The following LAMB4 variants were observed in gnomAD, a reference collection of about 807,000 sequenced individuals.
LAMB4 encodes the protein laminin subunit beta-4.
In LAMB4, 196 loss-of-function variants were observed where a neutral mutation model predicts 199.2. That is an observed-to-expected ratio of 0.98 (90% CI 0.88 to 1.11). The LOEUF (loss-of-function observed/expected upper bound fraction) is 1.11, where lower values mean the gene tolerates loss of function less well. Ranked by LOEUF, LAMB4 falls within the 50% of genes least tolerant of loss-of-function variation. The pLI is 0.00. For missense variants in LAMB4, 2,080 were observed against 2,171.2 expected, an observed-to-expected ratio of 0.96 and a Z score of 0.83; for synonymous variants, 744 against 770.6, an observed-to-expected ratio of 0.97 and a Z score of 0.57.
At chr7:108,059,701 C>T (rs2036099013) in intron 23 of LAMB4, among the ~76,000 whole-genome samples, 1 of 151,332 alleles carries the variant, frequency 6.6e-6, no homozygotes, top group South Asian at 2.1e-4. Flanking sequence ...AGCCCTGCCA[C>T]ACTGCTGGCT....
At chr7:108,116,940 G>A (rs1391781769) in intron 2 of LAMB4, among the ~76,000 whole-genome samples, 1 of 152,224 alleles carries the variant, frequency 6.6e-6, no homozygotes, top group Non-Finnish European at 1.5e-5. Context: ...AGGAAGCTGA[G>A]GCGGGAGGAT....
intron 23 of LAMB4, among the ~76,000 whole-genome samples, chr7:108,059,769 G>T (rs566481417): frequency 6.6e-6 from 1 of 152,252 alleles, no homozygotes; most frequent in Admixed American, 6.5e-5. Flanking sequence ...GCTGTGCCAA[G>T]TTATTACTCC....
At chr7:108,080,182 A>G (rs1166598765) in intron 14 of LAMB4, among the ~76,000 whole-genome samples, 2 of 152,236 alleles carry the variant, frequency 1.3e-5, no homozygotes, top group Admixed American at 6.5e-5. Context: ...CTAATTGGGC[A>G]TGACAATGAG....
At chr7:108,055,187 GTTTT>G (rs371917253) in intron 25 of LAMB4, among the ~76,000 whole-genome samples, 25 of 138,544 alleles carry the variant, frequency 1.8e-4, no homozygotes, top group African/African-American at 4.3e-4. Flanking sequence ...ATTTCCAGCT[GTTTT>G]TTTTTTTTTT....
intron 14 of LAMB4, among the ~76,000 whole-genome samples, chr7:108,081,491 A>G (rs531789463): frequency 1.3e-5 from 2 of 152,290 alleles, no homozygotes; most frequent in South Asian, 4.1e-4. Flanking sequence ...CACTCTCTTA[A>G]GAGTATTCCT....
rs185544330 is a variant in LAMB4 at position 108,025,263 on chromosome 7, C to T, written c.5147-1085G>A. Among the ~76,000 whole-genome samples the T allele has an allele frequency of 3.9e-5, 6 of 152,034 alleles. No homozygotes were observed. In the East Asian group the frequency reaches 7.7e-4, roughly 19 times the overall value. ...ATGGAAACTAGCAGGTGAAGCTCCA[C>T]GAAGGAAGATTTTGTCTAAATATAA... On this transcript the variant is annotated intron_variant, in intron 33 of 33. Coordinates refer to ENST00000388781, the MANE Select transcript of LAMB4 (RefSeq NM_007356.3).
At position 108,062,790 on chromosome 7, in the gene LAMB4, C is replaced by T; in HGVS notation, c.3266G>A (p.Ser1089Asn). Residue 1089 changes from serine (S) to asparagine (N), a missense_variant, in exon 23 of 34, where the codon AGT becomes AAT. Transcript: ENST00000388781. ...SCDCDPRTSQ[S>N]SHCDQLTGQC... Reference sequence around the variant, plus strand: ...GTATCTTGCCTGGTCACAGTGGCTACTTTGAGAGGTCCTAGGGTCACAGTC... The same window carrying T: ...GTATCTTGCCTGGTCACAGTGGCTATTTTGAGAGGTCCTAGGGTCACAGTC... 1 of 1,437,916 alleles carries T rather than the reference C, an allele frequency of 7.0e-7. No individual in the cohort carries two copies. The highest frequency in any genetic ancestry group is 9.2e-7 in the Non-Finnish European group (1 of 1,090,090). The allele number at this position is 1,437,916 out of a possible 1,614,324, so 89.1% of individuals were successfully genotyped here. A position where few individuals can be genotyped will look rare whatever the true frequency, so the allele number is the denominator to read the frequency against.
chr7:108,019,790 T>C (rs980007455), downstream of LAMB4, among the ~76,000 whole-genome samples: 11 of 152,102 alleles, frequency 7.2e-5, no homozygotes, highest in African/African-American at 2.7e-4. Context: ...ATGAGGCTCA[T>C]GTGTTCTTGC....
chr7:108,092,648 G>A (rs1348010342), intron 12 of LAMB4, among the ~76,000 whole-genome samples: 1 of 152,186 alleles, frequency 6.6e-6, no homozygotes, highest in African/African-American at 2.4e-5. Context: ...GCTCCTGCCT[G>A]TAATCCCAGC....
At chr7:108,019,925 C>A (rs1448632497), downstream of LAMB4, among the ~76,000 whole-genome samples, 1 of 152,136 alleles carries the variant, frequency 6.6e-6, no homozygotes, top group Non-Finnish European at 1.5e-5. Flanking sequence ...GGAGAAGATA[C>A]AGGATAGTCT....
chr7:108,055,413 C>T (rs1209385187), intron 25 of LAMB4, among the ~76,000 whole-genome samples: 1 of 151,388 alleles, frequency 6.6e-6, no homozygotes, highest in Non-Finnish European at 1.5e-5. Context: ...TGTAGAACTC[C>T]TGACCTCAAG....
rs373560115 is a variant in LAMB4, at chr7:108,095,276, T to C, written c.1422A>G (p.Gln474=). The C allele has an allele frequency of 1.9e-6, 3 of 1,614,012 alleles. No homozygotes were observed. Among genetic ancestry groups the C allele is most frequent in the African/African-American group, 2.7e-5 (2 of 74,928 alleles). The change falls in exon 12 of 34, where the codon CAA becomes CAG. Residue 474 remains glutamine (Q), a synonymous_variant. Coordinates refer to ENST00000388781, the MANE Select transcript of LAMB4 (RefSeq NM_007356.3). The stretch of plus-strand genomic sequence containing the variant: ...CGGTGACATATGACAGGCACAAGCA[T>C]TGGCCTGTATCCACATCACAGGTCA... The part of the protein sequence containing the change: ...PFLTCDVDTG[Q]CLCLSYVTGA...
intron 25 of LAMB4, among the ~76,000 whole-genome samples, chr7:108,053,785 C>T (rs952893723): frequency 2.6e-5 from 4 of 152,178 alleles, no homozygotes; most frequent in Non-Finnish European, 4.4e-5. Flanking sequence ...TTTCTTTGTG[C>T]TTTGTCCGAC....
At chr7:108,097,339 G>A (rs58228770) in intron 11 of LAMB4, among the ~76,000 whole-genome samples, 1,892 of 152,272 alleles carry the variant, frequency 0.012, 35 homozygotes, top group African/African-American at 0.043. Flanking sequence ...CTATAGCTAA[G>A]GGTCTGCTCA....
chr7:108,021,450 C>G (rs1256260559), downstream of LAMB4, among the ~76,000 whole-genome samples: 1 of 152,166 alleles, frequency 6.6e-6, no homozygotes, highest in African/African-American at 2.4e-5. Flanking sequence ...TGGCTCACGC[C>G]TGTAATCACA....
At chr7:108,057,578 A>G (rs1255446738) in intron 24 of LAMB4, among the ~76,000 whole-genome samples, 1 of 152,142 alleles carries the variant, frequency 6.6e-6, no homozygotes, top group Non-Finnish European at 1.5e-5. Flanking sequence ...TCCATTTGTA[A>G]TGAGTTTGAG....
Position 108,055,721 on chromosome 7 carries a change from C to G in LAMB4, c.3666G>C (p.Gly1222=), listed in dbSNP as rs745354853. ...VCEADFKDLR[G]NVSEIERILK... is the part of the protein sequence containing the mutation. ...AAATCCTTTCTATTTCAGACACGTT[C>G]CCTCTGAGGTCTTTGAAGTCTGCCT... is the stretch of plus-strand genomic sequence containing the variant. Residue 1222 remains glycine (G), a synonymous_variant, in exon 25 of 34, where the codon GGG becomes GGC. Coordinates refer to ENST00000388781, the MANE Select transcript of LAMB4 (RefSeq NM_007356.3). 1.9e-6 allele frequency: 3 copies of G among 1,614,058 alleles called. No individual in the cohort carries two copies. Among genetic ancestry groups the G allele is most frequent in the East Asian group, 2.2e-5 (1 of 44,890 alleles).
chr7:108,059,815 A>G (rs571113373), intron 23 of LAMB4, among the ~76,000 whole-genome samples: 10 of 152,230 alleles, frequency 6.6e-5, no homozygotes, highest in Non-Finnish European at 1.3e-4. Flanking sequence ...AAAAAACCCA[A>G]TTGCAAAACT....
At chr7:108,126,472 G>A (rs1432821267) in intron 1 of LAMB4, among the ~76,000 whole-genome samples, 1 of 148,198 alleles carries the variant, frequency 6.7e-6, no homozygotes, top group Admixed American at 6.7e-5. Context: ...CACAATATTT[G>A]TCTTTTTTGT....
Sources: allele counts gnomAD v4.1 joint callset (sites outside exome capture counted in the v4.1 genomes callset), GRCh38; gene constraint gnomAD v4.1.1; transcripts MANE v1.5; gene names NCBI Gene and HGNC (gene_info 2026-07-23, HGNC 2026-07-21).